AKR1C8: variants seen among roughly 807,000 people sequenced by gnomAD.
AKR1C8 encodes the protein aldo-keto reductase family 1 member C8.
chr10:5,117,225 T>C, the AKR1C8 span, among the ~76,000 whole-genome samples: 2 of 152,058 alleles, frequency 1.3e-5, no homozygotes, highest in Non-Finnish European at 2.9e-5. Context: ...TAACCACTTT[T>C]AAATGTTAGT....
At chr10:5,120,961 T>C in the AKR1C8 span, among the ~76,000 whole-genome samples, 8 of 152,140 alleles carry the variant, frequency 5.3e-5, no homozygotes, top group Non-Finnish European at 1.2e-4. Flanking sequence ...TGATATTATA[T>C]ATGTAATGTA....
chr10:5,149,002 G>T, the AKR1C8 span, among the ~76,000 whole-genome samples: 1 of 152,062 alleles, frequency 6.6e-6, no homozygotes, highest in Non-Finnish European at 1.5e-5. Flanking sequence ...AGGAATCCTG[G>T]AAGACAGATT....
the AKR1C8 span, among the ~76,000 whole-genome samples, chr10:5,169,956 G>T: frequency 6.6e-6 from 1 of 152,096 alleles, no homozygotes; most frequent in South Asian, 2.1e-4. Flanking sequence ...GGGCTGTCAG[G>T]GGTTGCTTCC....
At chr10:5,184,576 C>G in the AKR1C8 span, among the ~76,000 whole-genome samples, 1 of 152,064 alleles carries the variant, frequency 6.6e-6, no homozygotes, top group Non-Finnish European at 1.5e-5. Context: ...ACATTTCTAA[C>G]CAAGAGTAGA....
chr10:5,162,106 C>A, the AKR1C8 span: 1 of 390,364 alleles, frequency 2.6e-6, no homozygotes, highest in South Asian at 2.0e-5. Flanking sequence ...TGGGACTAAA[C>A]ATATGTTACT....
chr10:5,176,888 T>C, the AKR1C8 span, among the ~76,000 whole-genome samples: 1 of 152,170 alleles, frequency 6.6e-6, no homozygotes, highest in East Asian at 1.9e-4. Context: ...GCTGAGACGA[T>C]GGGGTTTTCT....
the AKR1C8 span, among the ~76,000 whole-genome samples, chr10:5,176,043 G>T: frequency 6.6e-6 from 1 of 151,806 alleles, no homozygotes; most frequent in Non-Finnish European, 1.5e-5. Context: ...TAGACATGAA[G>T]TCCTTGCCCA....
At chr10:5,134,934 T>C in the AKR1C8 span, among the ~76,000 whole-genome samples, 72 of 152,138 alleles carry the variant, frequency 4.7e-4, no homozygotes, top group African/African-American at 1.7e-3. Context: ...AAAATAAAAG[T>C]AAGCAGTACA....
chr10:5,117,786 T>C, the AKR1C8 span, among the ~76,000 whole-genome samples: 1 of 152,092 alleles, frequency 6.6e-6, no homozygotes, highest in African/African-American at 2.4e-5. Context: ...GAAAGTAAGG[T>C]GCCAGGCTCT....
the AKR1C8 span, among the ~76,000 whole-genome samples, chr10:5,140,865 C>T: frequency 6.6e-6 from 1 of 152,022 alleles, no homozygotes; most frequent in East Asian, 1.9e-4. Flanking sequence ...AAATTATTCC[C>T]TCACTGTTGA....
chr10:5,123,362 G>T, the AKR1C8 span: 1 of 311,608 alleles, frequency 3.2e-6, no homozygotes, highest in Non-Finnish European at 6.4e-6. Context: ...AGCAATCAGG[G>T]CTGGGGATCA....
At chr10:5,139,464 T>A in the AKR1C8 span, among the ~76,000 whole-genome samples, 1 of 152,058 alleles carries the variant, frequency 6.6e-6, no homozygotes, top group Non-Finnish European at 1.5e-5. Context: ...TATAGACCAA[T>A]GGAACAGAAC....
chr10:5,168,727 T>G, the AKR1C8 span, among the ~76,000 whole-genome samples: 3 of 151,502 alleles, frequency 2.0e-5, no homozygotes, highest in East Asian at 5.8e-4. Flanking sequence ...AGAAAACCAG[T>G]AAAAAGGGGA....
At chr10:5,124,857 C>T in the AKR1C8 span, among the ~76,000 whole-genome samples, 1 of 152,124 alleles carries the variant, frequency 6.6e-6, no homozygotes, top group African/African-American at 2.4e-5. Context: ...TCTGTCATTT[C>T]ATGCTGCCTA....
chr10:5,139,121 G>C, the AKR1C8 span, among the ~76,000 whole-genome samples: 1 of 152,110 alleles, frequency 6.6e-6, no homozygotes, highest in Non-Finnish European at 1.5e-5. Flanking sequence ...CCTTTTCAAG[G>C]AGAACTACAA....
chr10:5,155,418 C>G, the AKR1C8 span: 3 of 216,278 alleles, frequency 1.4e-5, no homozygotes, highest in African/African-American at 7.0e-5. Context: ...GTGCTAGACC[C>G]AGGCACAGAT....
At chr10:5,155,755 A>T in the AKR1C8 span, 1 of 473,174 alleles carries the variant, frequency 2.1e-6, no homozygotes, top group South Asian at 1.6e-5. Flanking sequence ...CAAAGTCAAA[A>T]ATCTGAAAGG....
the AKR1C8 span, among the ~76,000 whole-genome samples, chr10:5,119,457 T>C: frequency 1.3e-5 from 2 of 152,200 alleles, no homozygotes; most frequent in Admixed American, 6.6e-5. Context: ...AATATTTGCA[T>C]AGGAAAATTA....
At chr10:5,166,857 G>C in the AKR1C8 span, among the ~76,000 whole-genome samples, 6 of 151,974 alleles carry the variant, frequency 3.9e-5, no homozygotes, top group East Asian at 5.8e-4. Flanking sequence ...AGGCAACCTA[G>C]AGAATGGGAG....
Sources: allele counts gnomAD v4.1 joint callset (sites outside exome capture counted in the v4.1 genomes callset), GRCh38; gene constraint gnomAD v4.1.1; transcripts MANE v1.5; gene names NCBI Gene and HGNC (gene_info 2026-07-23, HGNC 2026-07-21).